The following BLTP1 variants were observed in gnomAD, a reference collection of about 807,000 sequenced individuals.
The protein encoded by BLTP1 is bridge-like lipid transfer protein family member 1, also known as fragile site-associated protein.
chr4:122,199,577 G>A, the BLTP1 span: 2 of 772,768 alleles, frequency 2.6e-6, no homozygotes, highest in East Asian at 5.6e-5. Flanking sequence ...GAACAGCTAG[G>A]GAAGAGGAGT....
the BLTP1 span, among the ~76,000 whole-genome samples, chr4:122,178,990 C>T: frequency 4.6e-4 from 70 of 151,934 alleles, no homozygotes; most frequent in Non-Finnish European, 7.4e-4. Context: ...TAAAAAGCAC[C>T]TTTTGAGGCA....
At chr4:122,257,572 T>C in the BLTP1 span, 2 of 1,340,742 alleles carry the variant, frequency 1.5e-6, no homozygotes, top group Non-Finnish European at 2.1e-6. Context: ...ACACAATTAC[T>C]GTATGTTTTT....
chr4:122,336,721 AGGT>A, the BLTP1 span: 1 of 867,022 alleles, frequency 1.2e-6, no homozygotes, highest in Non-Finnish European at 1.4e-6. Context: ...AATGAGCAAG[AGGT>A]GCGAACAGGG....
At chr4:122,360,055 T>A in the BLTP1 span, 1 of 985,188 alleles carries the variant, frequency 1.0e-6, no homozygotes, top group Non-Finnish European at 1.2e-6. Context: ...AGGTAGCTAC[T>A]GTAAACTGTT....
chr4:122,359,906 A>G, the BLTP1 span: 13 of 985,286 alleles, frequency 1.3e-5, no homozygotes, highest in Non-Finnish European at 1.6e-5. Flanking sequence ...GGTAAGGCGA[A>G]TGAAGTACAA....
At chr4:122,353,292 T>C in the BLTP1 span, 1 of 1,392,002 alleles carries the variant, frequency 7.2e-7, no homozygotes, top group Non-Finnish European at 9.5e-7. The surrounding 1 kb of genome is among the most constrained non-coding windows in gnomAD (Gnocchi z 4.3). Context: ...AATAAGTCAA[T>C]ATTTATAATG....
the BLTP1 span, among the ~76,000 whole-genome samples, chr4:122,297,605 T>C: frequency 2.6e-5 from 4 of 152,152 alleles, no homozygotes; most frequent in Non-Finnish European, 5.9e-5. Flanking sequence ...GATACATGCA[T>C]GCGTATGTTC....
the BLTP1 span, chr4:122,184,981 T>TATC: frequency 1.0e-6 from 1 of 984,120 alleles, no homozygotes; most frequent in Non-Finnish European, 1.2e-6. Context: ...GGGAAGAGTA[T>TATC]ATCATATAGT....
At chr4:122,180,664 T>C in the BLTP1 span, among the ~76,000 whole-genome samples, 2 of 152,188 alleles carry the variant, frequency 1.3e-5, no homozygotes, top group Non-Finnish European at 1.5e-5. Flanking sequence ...CTCCTTGTTT[T>C]CCAAAGAGAA....
chr4:122,191,161 G>T, the BLTP1 span, among the ~76,000 whole-genome samples: 1 of 152,090 alleles, frequency 6.6e-6, no homozygotes, highest in East Asian at 1.9e-4. Context: ...TTAATATTTG[G>T]TGTGAGAAAA....
chr4:122,162,391 G>GAT, the BLTP1 span: 926 of 265,634 alleles, frequency 3.5e-3, 5 homozygotes, highest in African/African-American at 0.02. Flanking sequence ...CAACTTATGG[G>GAT]ATATTTGTTT....
chr4:122,194,826 C>T, the BLTP1 span: 1 of 313,542 alleles, frequency 3.2e-6, no homozygotes, highest in African/African-American at 2.3e-5. Flanking sequence ...TTAACCACTC[C>T]TTTCAGTAGA....
the BLTP1 span, chr4:122,361,939 A>G: frequency 6.9e-7 from 1 of 1,447,072 alleles, no homozygotes; most frequent in Non-Finnish European, 9.2e-7. Context: ...TCTTGAGTAT[A>G]TTATAGAGGC....
the BLTP1 span, chr4:122,231,941 C>G: frequency 2.7e-6 from 2 of 743,386 alleles, no homozygotes; most frequent in Non-Finnish European, 1.6e-6. Context: ...TATGAAAGCT[C>G]ATGTATGAAG....
chr4:122,215,278 CT>C, the BLTP1 span: 38 of 816,680 alleles, frequency 4.7e-5, no homozygotes, highest in Admixed American at 2.2e-3. Context: ...CCAAGGGTAT[CT>C]TTTTTCTTTT....
the BLTP1 span, among the ~76,000 whole-genome samples, chr4:122,166,248 G>A: frequency 6.6e-6 from 1 of 152,042 alleles, no homozygotes; most frequent in African/African-American, 2.4e-5. Flanking sequence ...ATTAATTTTT[G>A]TATAAGGTGT....
chr4:122,226,521 A>G, the BLTP1 span: 6 of 1,391,964 alleles, frequency 4.3e-6, no homozygotes, highest in African/African-American at 4.5e-5. Context: ...GAAAAGTAAC[A>G]TAAGCATGTA....
At chr4:122,347,175 T>C in the BLTP1 span, 1 of 984,562 alleles carries the variant, frequency 1.0e-6, no homozygotes, top group Non-Finnish European at 1.2e-6. Flanking sequence ...CTTGCCTGCA[T>C]TTGTCTGCTG....
chr4:122,162,534 T>G, the BLTP1 span: 1 of 985,262 alleles, frequency 1.0e-6, no homozygotes, highest in African/African-American at 1.7e-5. Flanking sequence ...CTTCTTTGAG[T>G]TAATCAAATC....
Sources: allele counts gnomAD v4.1 joint callset (sites outside exome capture counted in the v4.1 genomes callset), GRCh38; gene constraint gnomAD v4.1.1; non-coding constraint Gnocchi (gnomAD v3.1); transcripts MANE v1.5; gene names NCBI Gene and HGNC (gene_info 2026-07-23, HGNC 2026-07-21).